Variants in CADM2 observed in about 807,000 individuals in gnomAD.
The protein encoded by CADM2 is cell adhesion molecule 2.
A neutral mutation model predicts 49.8 loss-of-function variants in CADM2; 12 were observed. The observed-to-expected ratio is 0.24, with a 90% confidence interval of 0.15 to 0.39. The LOEUF is 0.39. CADM2 is among the 10% of genes least tolerant of loss of function. The pLI, the probability that CADM2 is intolerant of heterozygous loss-of-function variation, is 1.00. For synonymous variants in CADM2, 214 were observed against 175.4 expected, an observed-to-expected ratio of 1.22 and a Z score of -1.74; for missense variants, 378 against 492.3, an observed-to-expected ratio of 0.77 and a Z score of 2.20.
intron 1 of CADM2, among the ~76,000 whole-genome samples, chr3:85,425,128 T>C (rs1005064292): frequency 1.3e-5 from 2 of 152,186 alleles, no homozygotes; most frequent in Admixed American, 6.5e-5. Flanking sequence ...AAAAGAGTAG[T>C]TGGGAAATTT....
intron 1 of CADM2, among the ~76,000 whole-genome samples, chr3:85,246,436 A>C (rs181695271): frequency 5.3e-5 from 8 of 152,208 alleles, no homozygotes; most frequent in Middle Eastern, 3.4e-3. Flanking sequence ...CCTAGAACTT[A>C]AAGTATAATA....
intron 1 of CADM2, among the ~76,000 whole-genome samples, chr3:85,395,611 A>G (rs1325635350): frequency 6.6e-6 from 1 of 152,140 alleles, no homozygotes; most frequent in South Asian, 2.1e-4. Context: ...TCAGAAGAAT[A>G]AAAACATGGG....
chr3:85,802,000 A>G, intron 2 of CADM2, 47 bp from the exon 3 acceptor site: 2 of 1,514,914 alleles, frequency 1.3e-6, no homozygotes, highest in Admixed American at 1.9e-5. Context: ...GCAGTTAATC[A>G]TTTTATGACT....
chr3:85,579,213 C>T (rs77161901), intron 1 of CADM2, among the ~76,000 whole-genome samples: 3,267 of 152,174 alleles, frequency 0.021, 143 homozygotes, highest in South Asian at 0.1. Context: ...AAAACTCAAT[C>T]CTCCAAAAAT....
intron 1 of CADM2, among the ~76,000 whole-genome samples, chr3:85,702,125 T>A (rs1407949467): frequency 6.6e-6 from 1 of 152,188 alleles, no homozygotes; most frequent in African/African-American, 2.4e-5. Flanking sequence ...CTGTGCTACC[T>A]GCCTGCTTTA....
intron 8 of CADM2, chr3:86,012,681 C>A: frequency 7.7e-7 from 1 of 1,304,756 alleles, no homozygotes; most frequent in Non-Finnish European, 1.1e-6. Context: ...TGTAGGAGAG[C>A]TGACTTAGAA....
intron 1 of CADM2, among the ~76,000 whole-genome samples, chr3:85,205,865 G>A (rs769407154): frequency 6.6e-6 from 1 of 152,046 alleles, no homozygotes; most frequent in African/African-American, 2.4e-5. Context: ...TCTCTTTTGT[G>A]TCTCTATGAT....
At chr3:85,241,890 A>C (rs1007033568) in intron 1 of CADM2, among the ~76,000 whole-genome samples, 3 of 151,686 alleles carry the variant, frequency 2.0e-5, no homozygotes, top group Non-Finnish European at 4.4e-5. Context: ...AACATATAAT[A>C]AATTTTCTGA....
chr3:85,456,514 CA>C (rs2037996855), intron 1 of CADM2, among the ~76,000 whole-genome samples: 1 of 152,132 alleles, frequency 6.6e-6, no homozygotes, highest in Non-Finnish European at 1.5e-5. Flanking sequence ...AAATATTCAT[CA>C]ATATTATTTG....
intron 1 of CADM2, among the ~76,000 whole-genome samples, chr3:85,108,674 A>G (rs1336951484): frequency 6.6e-6 from 1 of 152,136 alleles, no homozygotes; most frequent in African/African-American, 2.4e-5. Context: ...ACTTTATATT[A>G]TGTATATTTT....
chr3:86,023,957 T>G (rs1258862931), intron 8 of CADM2, among the ~76,000 whole-genome samples: 1 of 152,202 alleles, frequency 6.6e-6, no homozygotes, highest in Non-Finnish European at 1.5e-5. Context: ...GTAAATTTAT[T>G]AAGCACTTTC....
chr3:85,965,649 C>T (rs1193430527), intron 8 of CADM2, among the ~76,000 whole-genome samples: 1 of 151,430 alleles, frequency 6.6e-6, no homozygotes, highest in Non-Finnish European at 1.5e-5. Context: ...TGACCATGTA[C>T]AAAGCAAGAC....
chr3:85,194,917 T>TA (rs56965931), intron 1 of CADM2, among the ~76,000 whole-genome samples: 84 of 151,298 alleles, frequency 5.6e-4, no homozygotes, highest in African/African-American at 1.6e-3. Context: ...TATTTTTGTT[T>TA]AAAAAAAAAT....
intron 2 of CADM2, among the ~76,000 whole-genome samples, chr3:85,770,399 A>G (rs940566182): frequency 6.6e-6 from 1 of 151,928 alleles, no homozygotes; most frequent in Non-Finnish European, 1.5e-5. Context: ...CCTTGACATT[A>G]TGGGCTCAAG....
In CADM2 at chr3:85,575,219, CT is replaced by C. The variant is rs552230469; in HGVS notation, c.62-151301del. Among the ~76,000 whole-genome samples, 51 of 152,272 alleles carry C rather than the reference CT, an allele frequency of 3.3e-4. 1 individual carries two copies. The East Asian group carries it at 9.5e-3, about 28-fold the overall frequency. On this transcript the variant is annotated intron_variant, in intron 1 of 9. Coordinates refer to ENST00000383699, the MANE Select transcript of CADM2 (RefSeq NM_001167675.2). ...TGCTTACTCTATTTTCAATTAGAATCTTCAATGAAAATGCATGAACTTACCA... is the reference window on the plus strand; with the variant it reads ...TGCTTACTCTATTTTCAATTAGAATCTCAATGAAAATGCATGAACTTACCA...
Position 85,302,097 on chromosome 3 carries a change from C to G in CADM2, c.61+342429C>G, listed in dbSNP as rs2044115342. On this transcript the variant is annotated intron_variant, in intron 1 of 9. Transcript: ENST00000383699. ...CATTGTTATTCAAACAACTGAATTA[C>G]TTTGCTTTAAACTGTATACCACCAA... Among the ~76,000 whole-genome samples, 3 of 151,976 alleles carry G rather than the reference C, an allele frequency of 2.0e-5. No homozygotes were observed. In the South Asian group the frequency reaches 6.2e-4, roughly 31 times the overall value.
intron 1 of CADM2, among the ~76,000 whole-genome samples, chr3:85,374,641 A>G (rs1169627969): frequency 2.6e-5 from 4 of 152,278 alleles, no homozygotes; most frequent in Admixed American, 6.5e-5. Flanking sequence ...GGTTTAATGG[A>G]CTCACAGTTT....
intron 1 of CADM2, among the ~76,000 whole-genome samples, chr3:85,711,589 T>C (rs2067119865): frequency 6.6e-6 from 1 of 152,186 alleles, no homozygotes; most frequent in African/African-American, 2.4e-5. Context: ...TTATTATCTT[T>C]TCCAATTTAC....
intron 8 of CADM2, among the ~76,000 whole-genome samples, chr3:86,045,948 A>G (rs1402968244): frequency 1.3e-5 from 2 of 152,150 alleles, no homozygotes; most frequent in Non-Finnish European, 2.9e-5. Flanking sequence ...AGATTCTAAC[A>G]GAAAATGTTA....
Sources: gnomAD v4.1 joint callset for allele counts (sites outside exome capture counted in the v4.1 genomes callset) on GRCh38, gnomAD v4.1.1 for gene constraint, MANE v1.5 for transcripts, NCBI Gene and HGNC (gene_info 2026-07-23, HGNC 2026-07-21) for gene names.